MROH9: variants seen among roughly 807,000 people sequenced by gnomAD.
MROH9 encodes the protein maestro heat-like repeat-containing protein family member 9.
In MROH9, 92 loss-of-function variants were observed where a neutral mutation model predicts 98.2. The observed-to-expected ratio is 0.94, with a 90% CI of 0.79 to 1.11. MROH9 has a LOEUF of 1.11. MROH9 is among the 50% of genes most tolerant of loss of function. The probability of loss-of-function intolerance (pLI) is 0.00; values close to 1 mark genes in which losing one functional copy is unlikely to be tolerated. For missense variants in MROH9, 1,057 were observed against 1,014.8 expected (o/e 1.04, Z -0.57); for synonymous variants, 397 against 368.9 (o/e 1.08, Z -0.87).
chr1:171,046,954 T>C (rs533369268), intron 20 of MROH9, among the ~76,000 whole-genome samples: 2 of 152,174 alleles, frequency 1.3e-5, no homozygotes, highest in Non-Finnish European at 2.9e-5. Context: ...TAGTGTAACA[T>C]AGTTTTCCTT....
At chr1:170,972,602 A>C (rs1003981496) in intron 8 of MROH9, among the ~76,000 whole-genome samples, 1 of 152,070 alleles carries the variant, frequency 6.6e-6, no homozygotes, top group Non-Finnish European at 1.5e-5. Flanking sequence ...CAAGGTCAGG[A>C]GATCGAGACC....
chr1:171,035,488 T>C (rs1327637173), intron 20 of MROH9, among the ~76,000 whole-genome samples: 5 of 151,888 alleles, frequency 3.3e-5, no homozygotes, highest in Non-Finnish European at 7.4e-5. Context: ...CACCAAATTA[T>C]GTTAAAAGGC....
chr1:171,000,791 GTGGAATAGTGTCAAAAGGAT>G (rs1651757632), intron 15 of MROH9, among the ~76,000 whole-genome samples: 2 of 151,984 alleles, frequency 1.3e-5, no homozygotes, highest in Non-Finnish European at 2.9e-5. Flanking sequence ...TCTCAATCTT[GTGGAATAGTGTCAAAAGGAT>G]TGGTACCAAT....
intron 1 of MROH9, among the ~76,000 whole-genome samples, chr1:170,943,486 A>G (rs1272766797): frequency 6.6e-6 from 1 of 152,046 alleles, no homozygotes; most frequent in Non-Finnish European, 1.5e-5. Context: ...AATTTTAACA[A>G]AATGTGCCAT....
At chr1:170,989,668 T>A (rs550313744) in intron 10 of MROH9, among the ~76,000 whole-genome samples, 187 bp from the exon 11 acceptor site, 5 of 152,384 alleles carry the variant, frequency 3.3e-5, no homozygotes, top group African/African-American at 1.2e-4. Flanking sequence ...TTAGTCTTCA[T>A]CCAGATGAAT....
chr1:170,955,937 T>G (rs563762820), intron 3 of MROH9, among the ~76,000 whole-genome samples: 11 of 152,372 alleles, frequency 7.2e-5, no homozygotes, highest in Admixed American at 2.0e-4. Flanking sequence ...TCTAGAATTT[T>G]TATAGTTTCA....
In MROH9 at chr1:170,997,117, A is replaced by G. The variant is rs558592785; in HGVS notation, c.1475+473A>G. On this transcript the variant is annotated intron_variant, in intron 14 of 21. Transcript: ENST00000367759. ...GGGTTTTCTAGTTAACCCTTTAGTG[A>G]ACAGCAAGTTTCTGATTGTAGGGAT... Among the ~76,000 whole-genome samples the G allele has an allele frequency of 2.0e-5, 3 of 152,266 alleles. No individual in the cohort carries two copies. The East Asian group carries it at 5.8e-4, about 29-fold the overall frequency.
chr1:170,965,052 A>T (rs1017083232), intron 6 of MROH9, 99 bp from the exon 7 acceptor site: 13 of 713,498 alleles, frequency 1.8e-5, no homozygotes, highest in Non-Finnish European at 3.1e-5. Context: ...AACCAGGAGA[A>T]TGTAGGAAGG....
Position 170,989,931 on chromosome 1 carries a change from T to C in MROH9, c.956T>C (p.Ile319Thr). 1 of 1,613,506 alleles carries C rather than the reference T, an allele frequency of 6.2e-7. No homozygotes were observed. Among genetic ancestry groups the C allele is most frequent in the Non-Finnish European group, 8.5e-7 (1 of 1,179,542 alleles). Residue 319 changes from isoleucine (I) to threonine (T), a missense_variant, in exon 11 of 22, where the codon ATC (isoleucine) becomes ACC (threonine). Physicochemically the swap from Ile to Thr is moderately conservative, Grantham distance 89. Coordinates refer to ENST00000367759, the MANE Select transcript of MROH9 (RefSeq NM_001163629.2). ...NCMKDVMLQV[I>T]TLLTCTSPKK... is the part of the protein sequence containing the mutation. ...ATGAAGGATGTTATGTTGCAGGTTA[T>C]CACTTTGTTGACATGCACTTCACCC...
intron 20 of MROH9, among the ~76,000 whole-genome samples, chr1:171,027,610 G>A (rs2101845292): frequency 6.6e-6 from 1 of 152,310 alleles, no homozygotes; most frequent in African/African-American, 2.4e-5. Flanking sequence ...TCTGGTCCTA[G>A]ATCCTTGAGG....
At chr1:171,015,420 G>C (rs1325062320) in intron 16 of MROH9, among the ~76,000 whole-genome samples, 1 of 152,144 alleles carries the variant, frequency 6.6e-6, no homozygotes, top group Non-Finnish European at 1.5e-5. Context: ...TATACTGTTG[G>C]TAAAGACACA....
intron 20 of MROH9, among the ~76,000 whole-genome samples, chr1:171,035,385 G>T (rs1653065396): frequency 6.6e-6 from 1 of 151,460 alleles, no homozygotes; most frequent in African/African-American, 2.4e-5. Context: ...ATGCAAATTA[G>T]AACAATAACA....
chr1:171,016,419 C>T, intron 17 of MROH9, 83 bp downstream of exon 17: 1 of 1,066,036 alleles, frequency 9.4e-7, no homozygotes, highest in Non-Finnish European at 1.2e-6. Flanking sequence ...TGTTAGGTCA[C>T]AGAATAAGCC....
intron 3 of MROH9, among the ~76,000 whole-genome samples, chr1:170,954,549 T>G (rs1198490173): frequency 6.6e-6 from 1 of 152,118 alleles, no homozygotes. Context: ...TGTAGTTCCA[T>G]TTTTAATTTT....
At chr1:171,006,258 G>A (rs546958866) in intron 15 of MROH9, among the ~76,000 whole-genome samples, 1 of 152,220 alleles carries the variant, frequency 6.6e-6, no homozygotes, top group Non-Finnish European at 1.5e-5. Flanking sequence ...CACTCCTTCA[G>A]TTGTGAGGTT....
chr1:170,956,595 G>GTTTTTTTTTTTTTTTTTTTTTTTTT (rs5778690), intron 3 of MROH9, among the ~76,000 whole-genome samples: 1 of 104,608 alleles, frequency 9.6e-6, no homozygotes, highest in African/African-American at 3.8e-5. Context: ...TTTTTTTTTT[G>GTTTTTTTTTTTTTTTTTTTTTTTTT]TTTTTTTTTT....
intron 17 of MROH9, among the ~76,000 whole-genome samples, chr1:171,019,743 G>A (rs1478483097): frequency 6.6e-6 from 1 of 151,910 alleles, no homozygotes; most frequent in East Asian, 1.9e-4. Context: ...TCAAAAGCTA[G>A]CAGAAAACAA....
intron 20 of MROH9, among the ~76,000 whole-genome samples, chr1:171,055,965 C>A (rs1191185956): frequency 2.0e-5 from 3 of 152,124 alleles, no homozygotes; most frequent in Admixed American, 6.5e-5. Context: ...TCCTACCCAG[C>A]AGGGGGAACG....
rs1650727621 is a variant in MROH9, at chr1:170,977,002, A to AT, written c.616+5126dup. On this transcript the variant is annotated intron_variant, in intron 8 of 21. Transcript: ENST00000367759. ...AGAGAGCCAGTCTTCAAGTTTCAAG[A>AT]TTTTTTTCCTCAGCTTCATCTATTC... Among the ~76,000 whole-genome samples, 5 of 151,072 alleles carry AT rather than the reference A, an allele frequency of 3.3e-5. No homozygotes were observed. The South Asian group carries it at 8.3e-4, about 25-fold the overall frequency.
Sources: gnomAD v4.1 joint callset for allele counts (sites outside exome capture counted in the v4.1 genomes callset) on GRCh38, gnomAD v4.1.1 for gene constraint, MANE v1.5 for transcripts, NCBI Gene and HGNC (gene_info 2026-07-23, HGNC 2026-07-21) for gene names.